Variants in KCNG2 observed in about 807,000 individuals in gnomAD.
KCNG2 encodes the protein voltage-gated potassium channel regulatory subunit KCNG2.
Under a neutral mutation model 12.3 loss-of-function variants are expected in KCNG2, and 7 were observed. The observed-to-expected ratio is 0.57, with a 90% CI of 0.32 to 1.07. KCNG2 has a LOEUF of 1.07. Ranked by LOEUF, KCNG2 falls within the 50% of genes least tolerant of loss-of-function variation. The pLI is 0.04. For synonymous variants in KCNG2, 414 were observed against 351.4 expected (o/e 1.18, Z -1.99); for missense variants, 703 against 726.0 (o/e 0.97, Z 0.36).
At chr18:79,869,765 C>A (rs917771988) in intron 3 of KCNG2, among the ~76,000 whole-genome samples, 6 of 152,234 alleles carry the variant, frequency 3.9e-5, no homozygotes, top group Non-Finnish European at 1.5e-5. Context: ...ATCCTGGATT[C>A]TCTGACCCTC....
chr18:79,858,449 T>G (rs1420512294), intron 2 of KCNG2, among the ~76,000 whole-genome samples: 1 of 152,268 alleles, frequency 6.6e-6, no homozygotes, highest in African/African-American at 2.4e-5. Flanking sequence ...GAGGCCCATA[T>G]TTTGCTTCTC....
At chr18:79,877,222 A>G (rs924401242) in intron 3 of KCNG2, among the ~76,000 whole-genome samples, 3 of 152,236 alleles carry the variant, frequency 2.0e-5, no homozygotes, top group Admixed American at 6.5e-5. Flanking sequence ...AAAATGAGTC[A>G]ATAATTATTT....
intron 1 of KCNG2, among the ~76,000 whole-genome samples, chr18:79,854,198 T>A (rs1466426014): frequency 6.6e-6 from 1 of 152,212 alleles, no homozygotes; most frequent in Non-Finnish European, 1.5e-5. Context: ...TCTGCTTCCA[T>A]CACTGCCCGG....
In KCNG2 at chr18:79,900,092, T is replaced by C. The variant is rs544678601; in HGVS notation, c.*276T>C. 60 of 323,986 alleles carry C rather than the reference T, an allele frequency of 1.9e-4. No homozygotes were observed. Among genetic ancestry groups the C allele is most frequent in the African/African-American group, 1.2e-3 (55 of 46,276 alleles). 20.1% of individuals were successfully genotyped at this position (323,986 alleles called of 1,614,324 possible). On this transcript the variant is annotated 3_prime_UTR_variant, in exon 4 of 4. Coordinates refer to ENST00000316249, the MANE Select transcript of KCNG2 (RefSeq NM_012283.2). ...CCTAGCTAAAAATAAATTTAGTAAG[T>C]CCGAGAGATTCCACGCCTGCTGTGG...
intron 1 of KCNG2, among the ~76,000 whole-genome samples, chr18:79,826,498 C>T (rs1165516479): frequency 1.3e-5 from 2 of 149,742 alleles, no homozygotes; most frequent in African/African-American, 4.9e-5. Context: ...CAGCTCCTCA[C>T]GGAAGGTTAG....
chr18:79,860,129 A>G (rs939457315), intron 2 of KCNG2, among the ~76,000 whole-genome samples: 5 of 152,188 alleles, frequency 3.3e-5, no homozygotes, highest in African/African-American at 1.2e-4. Flanking sequence ...TAGGTACCAC[A>G]CACTTTTAAA....
At chr18:79,856,350 T>C (rs961949221) in intron 1 of KCNG2, among the ~76,000 whole-genome samples, 29 bp from the exon 2 acceptor site, 15 of 152,172 alleles carry the variant, frequency 9.9e-5, no homozygotes, top group African/African-American at 3.6e-4. Flanking sequence ...CTCTGTCCCT[T>C]AGGGTGAAAC....
At chr18:79,821,184 C>A (rs185124026) in intron 1 of KCNG2, among the ~76,000 whole-genome samples, 64 of 152,194 alleles carry the variant, frequency 4.2e-4, no homozygotes, top group African/African-American at 1.5e-3. Flanking sequence ...ATTTAAGCAA[C>A]CATTGCCAAA....
intron 1 of KCNG2, among the ~76,000 whole-genome samples, chr18:79,806,464 C>T (rs572569657): frequency 6.6e-6 from 1 of 152,108 alleles, no homozygotes; most frequent in Non-Finnish European, 1.5e-5. Flanking sequence ...GCATGGCCTG[C>T]GACATGGTCT....
rs147133580 is a variant in KCNG2, at chr18:79,803,727, C to T, written c.-115+5713C>T. Among the ~76,000 whole-genome samples the T allele has an allele frequency of 1.2e-3, 186 of 152,372 alleles. 1 individual carries two copies. The highest frequency in any genetic ancestry group is 3.4e-3 in the Middle Eastern group (1 of 294). ...CTGCCCTCCTGTCCAGGAGCCCTCA[C>T]AGCTCAGCCGGGGCCCTCCTGCGTC... On this transcript the variant is annotated intron_variant, in intron 1 of 3. Coordinates refer to ENST00000316249, the MANE Select transcript of KCNG2 (RefSeq NM_012283.2). The surrounding 1 kb of genome is among the most constrained non-coding windows in gnomAD (Gnocchi z 4.5).
intron 3 of KCNG2, among the ~76,000 whole-genome samples, chr18:79,866,371 G>T (rs1599408294): frequency 8.1e-6 from 1 of 123,628 alleles, no homozygotes; most frequent in African/African-American, 2.9e-5. Flanking sequence ...AGGTCTGGGT[G>T]CTGAGGTCTG....
At chr18:79,867,530 GGGGGA>G in intron 3 of KCNG2, among the ~76,000 whole-genome samples, 1 of 126,070 alleles carries the variant, frequency 7.9e-6, no homozygotes, top group Non-Finnish European at 1.7e-5. Context: ...CGTGTCTGGG[GGGGGA>G]CCGTGAGCTC....
intron 1 of KCNG2, among the ~76,000 whole-genome samples, chr18:79,835,576 G>A (rs559563374): frequency 2.6e-5 from 4 of 152,228 alleles, no homozygotes; most frequent in South Asian, 2.1e-4. Flanking sequence ...CGGAGTAGAC[G>A]TATAAAAGAG....
At chr18:79,834,617 G>T (rs1978313839) in intron 1 of KCNG2, among the ~76,000 whole-genome samples, 1 of 152,198 alleles carries the variant, frequency 6.6e-6, no homozygotes, top group Admixed American at 6.5e-5. Context: ...GGGATGTGGG[G>T]TTTAAAAGGA....
chr18:79,815,567 A>G (rs984114290), intron 1 of KCNG2, among the ~76,000 whole-genome samples: 4 of 152,148 alleles, frequency 2.6e-5, no homozygotes, highest in African/African-American at 9.7e-5. Flanking sequence ...GAGGTCAGTG[A>G]AGGAACCACC....
intron 3 of KCNG2, among the ~76,000 whole-genome samples, chr18:79,872,285 T>TTTTTTTG (rs1979871444): frequency 1.0e-5 from 1 of 98,270 alleles, no homozygotes; most frequent in Admixed American, 1.2e-4. Context: ...CTTCAGTTTT[T>TTTTTTTG]TTTTTTTTTT....
intron 3 of KCNG2, among the ~76,000 whole-genome samples, chr18:79,881,154 G>A (rs372146399): frequency 6.6e-6 from 1 of 152,216 alleles, no homozygotes; most frequent in East Asian, 1.9e-4. Context: ...CAAGAGAATA[G>A]AACTGCATAT....
intron 2 of KCNG2, among the ~76,000 whole-genome samples, 35 bp downstream of exon 2, chr18:79,856,487 T>C (rs2123055869): frequency 6.6e-6 from 1 of 152,196 alleles, no homozygotes; most frequent in South Asian, 2.1e-4. Flanking sequence ...GCAAGAAACC[T>C]CAAGTCGTAC....
chr18:79,855,323 G>A (rs1040560465), intron 1 of KCNG2, among the ~76,000 whole-genome samples: 12 of 152,150 alleles, frequency 7.9e-5, no homozygotes, highest in African/African-American at 2.9e-4. Flanking sequence ...GGCCCGTCCT[G>A]TGCAGGGTGT....
Sources: gnomAD v4.1 joint callset for allele counts (sites outside exome capture counted in the v4.1 genomes callset) on GRCh38, gnomAD v4.1.1 for gene constraint, Gnocchi (gnomAD v3.1) non-coding constraint, MANE v1.5 for transcripts, NCBI Gene and HGNC (gene_info 2026-07-23, HGNC 2026-07-21) for gene names.